The following DCDC2 variants were observed in gnomAD, a reference collection of about 807,000 sequenced individuals.
The protein encoded by DCDC2 is doublecortin domain-containing protein 2.
In DCDC2, 40 loss-of-function variants were observed where a neutral mutation model predicts 50.2. That is an observed-to-expected ratio of 0.80 (90% confidence interval 0.62 to 1.04). DCDC2 has a LOEUF of 1.04. DCDC2 is among the 50% of genes least tolerant of loss of function. The pLI, the probability that DCDC2 is intolerant of heterozygous loss-of-function variation, is 0.00. For synonymous variants in DCDC2, 234 were observed against 210.6 expected, an observed-to-expected ratio of 1.11 and a Z score of -0.96; for missense variants, 570 against 581.9, an observed-to-expected ratio of 0.98 and a Z score of 0.21.
chr6:24,230,928 CAA>C (rs992083330), intron 7 of DCDC2, among the ~76,000 whole-genome samples: 2 of 152,164 alleles, frequency 1.3e-5, no homozygotes, highest in African/African-American at 2.4e-5. Flanking sequence ...TTTAAATCAC[CAA>C]AGAGTCTGCA....
chr6:24,210,050 G>GTC (rs1761829054), intron 7 of DCDC2, among the ~76,000 whole-genome samples: 2 of 128,074 alleles, frequency 1.6e-5, no homozygotes, highest in South Asian at 2.5e-4. Context: ...GTGTGTGTGT[G>GTC]TGTGTCTGTC....
At chr6:24,210,934 C>CAT (rs1269615682) in intron 7 of DCDC2, among the ~76,000 whole-genome samples, 1 of 152,202 alleles carries the variant, frequency 6.6e-6, no homozygotes, top group Non-Finnish European at 1.5e-5. Flanking sequence ...TCTCCTGCCT[C>CAT]ATGGCTTTGT....
chr6:24,353,693 A>G, intron 1 of DCDC2, 70 bp from the exon 2 acceptor site: 3 of 1,027,662 alleles, frequency 2.9e-6, no homozygotes, highest in Non-Finnish European at 4.2e-6. Flanking sequence ...ATTTTTAAAA[A>G]TCATAAAAAA....
the DCDC2 span, among the ~76,000 whole-genome samples, chr6:24,363,473 C>A: frequency 6.6e-6 from 1 of 152,146 alleles, no homozygotes; most frequent in African/African-American, 2.4e-5. Flanking sequence ...TACACTGCAG[C>A]CTGGGTAACA....
chr6:24,276,069 G>C (rs1763349324), intron 7 of DCDC2, among the ~76,000 whole-genome samples: 1 of 151,544 alleles, frequency 6.6e-6, no homozygotes, highest in Admixed American at 6.6e-5. Flanking sequence ...AACGGGTTTT[G>C]GCTATGTTGC....
chr6:24,180,434 G>A lies in DCDC2; in HGVS notation c.1024-1802C>T, dbSNP rs929688001. 2.6e-4 allele frequency among the ~76,000 whole-genome samples: 39 copies of A among 151,978 alleles called. 1 individual carries two copies. The highest frequency in any genetic ancestry group is 1.0e-3 in the South Asian group (5 of 4,810). On this transcript the variant is annotated intron_variant, in intron 8 of 9. Coordinates refer to ENST00000378454, the MANE Select transcript of DCDC2 (RefSeq NM_016356.5). ...CGAGTAGCTGGGACTACAGGCGCCC[G>A]CCACCACGCCCGGCTAAATTTTTTG...
intron 9 of DCDC2, among the ~76,000 whole-genome samples, 189 bp from the exon 10 acceptor site, chr6:24,175,023 T>A (rs1243783688): frequency 6.6e-6 from 1 of 152,174 alleles, no homozygotes; most frequent in African/African-American, 2.4e-5. Context: ...TCAACACTTG[T>A]ACAAAAGTCC....
intron 7 of DCDC2, among the ~76,000 whole-genome samples, chr6:24,272,074 G>C (rs531034558): frequency 6.6e-6 from 1 of 151,964 alleles, no homozygotes; most frequent in Non-Finnish European, 1.5e-5. Flanking sequence ...AAGAGGGCAG[G>C]ATATAAAAAG....
At chr6:24,319,705 G>A (rs1759737306) in intron 2 of DCDC2, among the ~76,000 whole-genome samples, 1 of 152,100 alleles carries the variant, frequency 6.6e-6, no homozygotes, top group Non-Finnish European at 1.5e-5. Context: ...CTGCTCATTT[G>A]TGCAAAAGGA....
intron 4 of DCDC2, among the ~76,000 whole-genome samples, chr6:24,301,440 G>A (rs867984087): frequency 3.4e-5 from 5 of 147,750 alleles, no homozygotes; most frequent in African/African-American, 1.2e-4. Flanking sequence ...CTAAAGTTAT[G>A]TTTGCCTAGT....
chr6:24,352,803 C>A (rs1760396386), intron 2 of DCDC2, among the ~76,000 whole-genome samples: 1 of 152,138 alleles, frequency 6.6e-6, no homozygotes, highest in Non-Finnish European at 1.5e-5. Flanking sequence ...CCATTGGAAG[C>A]ACTTGTTTAT....
chr6:24,246,593 T>C (rs189574573), intron 7 of DCDC2, among the ~76,000 whole-genome samples: 2 of 146,510 alleles, frequency 1.4e-5, no homozygotes, highest in East Asian at 4.3e-4. Context: ...TTCAAGCGAT[T>C]CTCCTGCCTC....
intron 2 of DCDC2, among the ~76,000 whole-genome samples, chr6:24,333,298 G>A (rs983354409): frequency 3.3e-5 from 5 of 152,046 alleles, no homozygotes; most frequent in Non-Finnish European, 7.4e-5. Context: ...CTTGAAAGAC[G>A]GTGGCAAGGT....
chr6:24,290,561 C>T (rs2113830128), intron 5 of DCDC2, among the ~76,000 whole-genome samples: 1 of 151,978 alleles, frequency 6.6e-6, no homozygotes, highest in East Asian at 1.9e-4. Context: ...CTATCCAAAC[C>T]AACTGAAAAG....
chr6:24,325,526 G>C (rs1157005058), intron 2 of DCDC2, among the ~76,000 whole-genome samples: 2 of 149,506 alleles, frequency 1.3e-5, no homozygotes, highest in Non-Finnish European at 3.0e-5. Context: ...CCATTTCTGT[G>C]AGGTTGTTCC....
intron 2 of DCDC2, among the ~76,000 whole-genome samples, chr6:24,346,728 T>G (rs1412919369): frequency 3.3e-5 from 5 of 149,388 alleles, no homozygotes; most frequent in Admixed American, 1.3e-4. Flanking sequence ...CACTCCAGCT[T>G]GGGTGACAGA....
Position 24,289,971 on chromosome 6 carries a change from CTTTTTTTTTTTTTTT to C in DCDC2, c.704+946_704+960del, listed in dbSNP as rs3077132. Among the ~76,000 whole-genome samples the C allele has an allele frequency of 2.8e-3, 169 of 61,040 alleles. 15 individuals are homozygous for C. The highest frequency in any genetic ancestry group is 7.2e-3 in the African/African-American group (139 of 19,308). 40.0% of individuals were successfully genotyped at this position (61,040 alleles called of 152,430 possible). On this transcript the variant is annotated intron_variant, in intron 5 of 9. Coordinates refer to ENST00000378454, the MANE Select transcript of DCDC2 (RefSeq NM_016356.5). ...TCCTGCAGCATGGGCCAGAGCTCTT[CTTTTTTTTTTTTTTT>C]TTTTTTTTTTTTTTTTTTTTTTTTT... is the stretch of plus-strand genomic sequence containing the variant.
chr6:24,268,232 A>T (rs192324430), intron 7 of DCDC2, among the ~76,000 whole-genome samples: 55 of 152,324 alleles, frequency 3.6e-4, no homozygotes, highest in African/African-American at 1.2e-3. Flanking sequence ...CACGCCTGTA[A>T]TTCCGGCACT....
chr6:24,282,879 C>T (rs1387695908), intron 6 of DCDC2, among the ~76,000 whole-genome samples: 1 of 152,058 alleles, frequency 6.6e-6, no homozygotes, highest in Non-Finnish European at 1.5e-5. Flanking sequence ...CTCAGTTTCC[C>T]CCATGGCAAA....
Sources: gnomAD v4.1 joint callset for allele counts (sites outside exome capture counted in the v4.1 genomes callset) on GRCh38, gnomAD v4.1.1 for gene constraint, MANE v1.5 for transcripts, NCBI Gene and HGNC (gene_info 2026-07-23, HGNC 2026-07-21) for gene names.